STK33: variants seen among roughly 807,000 people sequenced by gnomAD.
STK33 encodes the protein serine/threonine-protein kinase 33.
STK33 carries 52 observed loss-of-function variants against 58.0 expected under a neutral mutation model. That is an observed-to-expected ratio of 0.90 (90% CI 0.72 to 1.13). The LOEUF is 1.13. Among genes scored for constraint, STK33 ranks in the 50% most tolerant of loss-of-function variants. The pLI is 0.00. For synonymous variants in STK33, 215 were observed against 200.1 expected (o/e 1.07, Z -0.63); for missense variants, 630 against 604.2 (o/e 1.04, Z -0.45).
chr11:8,401,810 T>C (rs963620136), intron 15 of STK33, among the ~76,000 whole-genome samples: 2 of 152,190 alleles, frequency 1.3e-5, no homozygotes, highest in African/African-American at 4.8e-5. Flanking sequence ...GCAAAGGATA[T>C]GAACGGACAC....
At chr11:8,339,333 C>T in the STK33 span, among the ~76,000 whole-genome samples, 2 of 152,192 alleles carry the variant, frequency 1.3e-5, no homozygotes, top group African/African-American at 2.4e-5. Context: ...GAAACGAAGG[C>T]GGTCCTTAAT....
intron 11 of STK33, among the ~76,000 whole-genome samples, chr11:8,442,486 G>C (rs1431279219): frequency 6.6e-6 from 1 of 152,150 alleles, no homozygotes; most frequent in Non-Finnish European, 1.5e-5. Flanking sequence ...AGCCCTCATA[G>C]GGATGCAGAG....
chr11:8,555,663 TTAAAA>T (rs1451710571), intron 1 of STK33, among the ~76,000 whole-genome samples: 3 of 151,904 alleles, frequency 2.0e-5, no homozygotes, highest in African/African-American at 2.4e-5. Flanking sequence ...AGACTCCATC[TTAAAA>T]TAAAATAAAA....
At chr11:8,351,534 C>T in the STK33 span, among the ~76,000 whole-genome samples, 1 of 152,222 alleles carries the variant, frequency 6.6e-6, no homozygotes, top group Non-Finnish European at 1.5e-5. Flanking sequence ...GTTATCAGCA[C>T]CACAGGAGGG....
At chr11:8,398,788 CAAAA>C (rs150910190) in intron 15 of STK33, among the ~76,000 whole-genome samples, 4 of 134,158 alleles carry the variant, frequency 3.0e-5, no homozygotes, top group East Asian at 2.1e-4. Flanking sequence ...AAATGGAAAA[CAAAA>C]AAAAAAAAAG....
chr11:8,406,086 T>G (rs1243124377), intron 15 of STK33, among the ~76,000 whole-genome samples: 1 of 138,014 alleles, frequency 7.2e-6, no homozygotes, highest in Admixed American at 8.9e-5. Context: ...GAGCTTGCAG[T>G]GAGCCGAGAT....
chr11:8,496,547 A>AT (rs1293790833), intron 1 of STK33, among the ~76,000 whole-genome samples: 2 of 151,002 alleles, frequency 1.3e-5, no homozygotes, highest in Non-Finnish European at 3.0e-5. Context: ...TGTAAAAATT[A>AT]TTTTTTTAAA....
At chr11:8,403,044 T>C (rs1034477492) in intron 15 of STK33, among the ~76,000 whole-genome samples, 1 of 152,142 alleles carries the variant, frequency 6.6e-6, no homozygotes, top group East Asian at 1.9e-4. Flanking sequence ...TGAGCTCCCG[T>C]AAGACTGTAC....
At chr11:8,366,799 C>T in the STK33 span, among the ~76,000 whole-genome samples, 1 of 152,236 alleles carries the variant, frequency 6.6e-6, no homozygotes, top group African/African-American at 2.4e-5. Flanking sequence ...ATGTTAATGA[C>T]ACCAATTAAT....
downstream of STK33, among the ~76,000 whole-genome samples, chr11:8,391,173 C>T (rs1848616248): frequency 6.6e-6 from 1 of 152,106 alleles, no homozygotes. Context: ...CTTACTAAAC[C>T]CTGAGAGAAA....
intron 1 of STK33, among the ~76,000 whole-genome samples, chr11:8,512,339 A>C (rs1348184100): frequency 6.6e-6 from 1 of 152,186 alleles, no homozygotes; most frequent in Non-Finnish European, 1.5e-5. Flanking sequence ...ATATACAAAA[A>C]AAATATCAAC....
chr11:8,514,719 T>C (rs1952624552), intron 1 of STK33, among the ~76,000 whole-genome samples: 1 of 152,040 alleles, frequency 6.6e-6, no homozygotes, highest in Non-Finnish European at 1.5e-5. Flanking sequence ...ATAATCCTTC[T>C]CTGAATGTTG....
At chr11:8,338,112 G>T in the STK33 span, among the ~76,000 whole-genome samples, 1 of 152,248 alleles carries the variant, frequency 6.6e-6, no homozygotes, top group African/African-American at 2.4e-5. Flanking sequence ...AGTGGCACCA[G>T]TACTTAGAAT....
Position 8,536,972 on chromosome 11 carries a change from A to G in STK33, c.-465-56358T>C, listed in dbSNP as rs868608844. ...AATTAAAAAAAAAAAAAAAAAAAAGATTTTTTTTTTTTTTTTTTTTTTTTT... is the reference window on the plus strand; with the variant it reads ...AATTAAAAAAAAAAAAAAAAAAAAGGTTTTTTTTTTTTTTTTTTTTTTTTT... On this transcript the variant is annotated intron_variant, in intron 1 of 15. Coordinates refer to ENST00000687296, the MANE Select transcript of STK33 (RefSeq NM_001352389.2). Among the ~76,000 whole-genome samples, 6 of 65,734 alleles carry G rather than the reference A, an allele frequency of 9.1e-5. No homozygotes were observed. In the East Asian group the frequency reaches 1.7e-3, roughly 19 times the overall value. The allele number at this position is 65,734 out of a possible 152,430, so 43.1% of individuals were successfully genotyped here. A position where few individuals can be genotyped will look rare whatever the true frequency, so the allele number is the denominator to read the frequency against.
chr11:8,515,992 A>G (rs915821416), intron 1 of STK33, among the ~76,000 whole-genome samples: 1 of 152,228 alleles, frequency 6.6e-6, no homozygotes, highest in Non-Finnish European at 1.5e-5. Flanking sequence ...ACACTGCCCA[A>G]AGCAATCTAC....
chr11:8,536,027 T>C (rs1268585602), intron 1 of STK33, among the ~76,000 whole-genome samples: 1 of 152,114 alleles, frequency 6.6e-6, no homozygotes, highest in African/African-American at 2.4e-5. Context: ...ATGTTCTCAC[T>C]TACATGTGGG....
chr11:8,464,675 G>T, intron 7 of STK33, 34 bp downstream of exon 7: 1 of 1,490,032 alleles, frequency 6.7e-7, no homozygotes, highest in Non-Finnish European at 9.4e-7. Flanking sequence ...CACTAACACT[G>T]TGCCCTCAGT....
intron 4 of STK33, 91 bp from the exon 5 acceptor site, chr11:8,475,157 G>C: frequency 2.6e-6 from 1 of 386,396 alleles, no homozygotes; most frequent in Non-Finnish European, 4.6e-6. Context: ...AGCACTAGAA[G>C]CATCCTGTAT....
chr11:8,439,869 T>TCATATATATATATATATATATA (rs1554930119), intron 12 of STK33, among the ~76,000 whole-genome samples: 1 of 107,274 alleles, frequency 9.3e-6, no homozygotes, highest in Non-Finnish European at 1.9e-5. Flanking sequence ...TATATTATAA[T>TCATATATATATATATATATATA]TATATATATA....
Sources: allele counts gnomAD v4.1 joint callset (sites outside exome capture counted in the v4.1 genomes callset), GRCh38; gene constraint gnomAD v4.1.1; transcripts MANE v1.5; gene names NCBI Gene and HGNC (gene_info 2026-07-23, HGNC 2026-07-21).